CACNG4: variants seen among roughly 807,000 people sequenced by gnomAD.
The protein encoded by CACNG4 is calcium voltage-gated channel auxiliary subunit gamma 4.
A neutral mutation model predicts 22.9 loss-of-function variants in CACNG4; 8 were observed. The observed-to-expected ratio is 0.35, with a 90% CI of 0.21 to 0.63. The LOEUF is 0.63. CACNG4 is among the 30% of genes least tolerant of loss of function. The pLI, the probability that CACNG4 is intolerant of heterozygous loss-of-function variation, is 0.72. For missense variants in CACNG4, 357 were observed against 455.4 expected, an observed-to-expected ratio of 0.78 and a Z score of 1.97; for synonymous variants, 188 against 191.9, an observed-to-expected ratio of 0.98 and a Z score of 0.17.
intron 1 of CACNG4, among the ~76,000 whole-genome samples, chr17:66,987,174 T>C (rs1234807191): frequency 6.6e-6 from 1 of 152,194 alleles, no homozygotes; most frequent in Non-Finnish European, 1.5e-5. Flanking sequence ...TCAGAAAGAT[T>C]AGGTAACTTG....
intron 1 of CACNG4, among the ~76,000 whole-genome samples, chr17:67,003,239 C>T (rs2035419064): frequency 6.6e-6 from 1 of 151,744 alleles, no homozygotes; most frequent in Non-Finnish European, 1.5e-5. Flanking sequence ...ATTTGTGATC[C>T]CCATTTCACA....
chr17:66,975,349 A>G (rs1478233679), intron 1 of CACNG4, among the ~76,000 whole-genome samples: 5 of 152,160 alleles, frequency 3.3e-5, no homozygotes, highest in Admixed American at 2.6e-4. Flanking sequence ...CAGCAGCATC[A>G]GACGGTCAGC....
intron 1 of CACNG4, among the ~76,000 whole-genome samples, chr17:66,967,807 T>C (rs2035179244): frequency 6.6e-6 from 1 of 152,156 alleles, no homozygotes; most frequent in South Asian, 2.1e-4. Flanking sequence ...ACAGATTCAG[T>C]TGCATGTTCG....
At chr17:66,966,624 G>A (rs575035075) in intron 1 of CACNG4, among the ~76,000 whole-genome samples, 5 of 152,138 alleles carry the variant, frequency 3.3e-5, no homozygotes, top group Non-Finnish European at 7.3e-5. Context: ...TCCAGACCAT[G>A]CTTGTTCTCA....
At chr17:67,012,749 T>C (rs1257160674) in intron 1 of CACNG4, among the ~76,000 whole-genome samples, 3 of 152,136 alleles carry the variant, frequency 2.0e-5, no homozygotes, top group Admixed American at 2.0e-4. Context: ...TGCAGCTGAA[T>C]TGAGGTGTCA....
chr17:66,974,830 G>A (rs2035226290), intron 1 of CACNG4, among the ~76,000 whole-genome samples: 2 of 152,190 alleles, frequency 1.3e-5, no homozygotes, highest in South Asian at 4.1e-4. Flanking sequence ...TCTGGAGTTG[G>A]GCTTGAGTCA....
rs2035609733 is a variant in CACNG4, at chr17:67,031,893, C to T, written c.*889C>T. On this transcript the variant is annotated 3_prime_UTR_variant, in exon 4 of 4. Coordinates refer to ENST00000262138, the MANE Select transcript of CACNG4 (RefSeq NM_014405.4). This position sits in a 1 kb window ranked among gnomAD's most constrained non-coding sequence, Gnocchi z 4.0. ...TTGGGGGTCCCGGGGGAGAGGTGGA[C>T]AGACACCTCCCTCCAACTGGCATTT... is the stretch of plus-strand genomic sequence containing the variant. 4.4e-6 allele frequency: 2 copies of T among 456,542 alleles called. No individual in the cohort carries two copies. Among genetic ancestry groups the T allele is most frequent in the Non-Finnish European group, 8.8e-6 (2 of 226,986 alleles). The allele number at this position is 456,542 out of a possible 1,614,324, so 28.3% of individuals were successfully genotyped here.
chr17:67,026,987 G>A (rs2143374577), intron 3 of CACNG4, among the ~76,000 whole-genome samples: 1 of 152,092 alleles, frequency 6.6e-6, no homozygotes, highest in South Asian at 2.1e-4. Flanking sequence ...GGAGGTCCCG[G>A]CTGTGACCCC....
chr17:66,992,489 C>G (rs1027769118), intron 1 of CACNG4, among the ~76,000 whole-genome samples: 1 of 152,238 alleles, frequency 6.6e-6, no homozygotes, highest in African/African-American at 2.4e-5. Context: ...AAACCTGGCA[C>G]TACCCACCAG....
chr17:67,031,433 A>G lies in CACNG4; in HGVS notation c.*429A>G, dbSNP rs1248213246. 7 of 461,196 alleles carry G rather than the reference A, an allele frequency of 1.5e-5. No individual in the cohort carries two copies. The highest frequency in any genetic ancestry group is 3.2e-4 in the Middle Eastern group (1 of 3,112). 28.6% of individuals were successfully genotyped at this position (461,196 alleles called of 1,614,324 possible). A position where few individuals can be genotyped will look rare whatever the true frequency, so the allele number is the denominator to read the frequency against. Reference sequence around the variant, plus strand: ...CACCAGAAGGCTCTGCCGGACGCCAAGAAGACGGTCTCTGGGCTCTTGTCA... The same window carrying G: ...CACCAGAAGGCTCTGCCGGACGCCAGGAAGACGGTCTCTGGGCTCTTGTCA... On this transcript the variant is annotated 3_prime_UTR_variant, in exon 4 of 4. Coordinates refer to ENST00000262138, the MANE Select transcript of CACNG4 (RefSeq NM_014405.4). This position sits in a 1 kb window ranked among gnomAD's most constrained non-coding sequence, Gnocchi z 4.0.
At position 66,964,847 on chromosome 17, in the gene CACNG4, G is replaced by A. The variant is rs1270791811; in HGVS notation, c.-65G>A. Reference sequence around the variant, plus strand: ...CCCGGCGCCCCCGGAGCGGCGCGCGGAGGGAGGAGGGCGGGCGGGCGCGGC... The same window carrying A: ...CCCGGCGCCCCCGGAGCGGCGCGCGAAGGGAGGAGGGCGGGCGGGCGCGGC... On this transcript the variant is annotated 5_prime_UTR_variant, in exon 1 of 4. Coordinates refer to ENST00000262138, the MANE Select transcript of CACNG4 (RefSeq NM_014405.4). 2.8e-5 allele frequency: 28 copies of A among 1,011,252 alleles called. No individual in the cohort carries two copies. The highest frequency in any genetic ancestry group is 3.2e-5 in the Non-Finnish European group (26 of 816,742). 62.6% of individuals were successfully genotyped at this position (1,011,252 alleles called of 1,614,324 possible). A position where few individuals can be genotyped will look rare whatever the true frequency, so the allele number is the denominator to read the frequency against.
chr17:66,995,564 G>A (rs902811255), intron 1 of CACNG4, among the ~76,000 whole-genome samples: 1 of 152,094 alleles, frequency 6.6e-6, no homozygotes, highest in Non-Finnish European at 1.5e-5. Context: ...TTAAAAATGG[G>A]ATCTAGGCCG....
intron 1 of CACNG4, among the ~76,000 whole-genome samples, chr17:67,010,564 C>T (rs1472637342): frequency 6.6e-6 from 1 of 152,186 alleles, no homozygotes; most frequent in African/African-American, 2.4e-5. Flanking sequence ...GTGCCTGATA[C>T]ATCATAGGTG....
chr17:67,015,106 T>C (rs2035489459), intron 1 of CACNG4, among the ~76,000 whole-genome samples: 1 of 152,080 alleles, frequency 6.6e-6, no homozygotes, highest in African/African-American at 2.4e-5. Flanking sequence ...GCCTCGTTAG[T>C]AATAGCTGGA....
intron 2 of CACNG4, 52 bp from the exon 3 acceptor site, chr17:67,024,808 G>C (rs1482842973): frequency 6.9e-7 from 1 of 1,440,574 alleles, no homozygotes; most frequent in Non-Finnish European, 9.1e-7. Flanking sequence ...ATGCCCGGGA[G>C]GGCACCTGAT....
intron 2 of CACNG4, among the ~76,000 whole-genome samples, chr17:67,024,339 T>C (rs1242946516): frequency 2.0e-5 from 3 of 152,084 alleles, no homozygotes; most frequent in Non-Finnish European, 4.4e-5. Context: ...GAAGCTGAGT[T>C]TTGGAGAGGG....
At chr17:67,006,169 G>A (rs1224834723) in intron 1 of CACNG4, among the ~76,000 whole-genome samples, 2 of 152,204 alleles carry the variant, frequency 1.3e-5, no homozygotes, top group Non-Finnish European at 2.9e-5. Flanking sequence ...AGGGGCTGCC[G>A]TGTCGAGGCA....
intron 2 of CACNG4, 105 bp downstream of exon 2, chr17:67,018,377 T>G: frequency 3.7e-6 from 3 of 804,094 alleles, no homozygotes; most frequent in Non-Finnish European, 6.4e-6. Flanking sequence ...GTGATTGTCT[T>G]GGGATGGTCC....
chr17:66,999,579 A>T (rs2035395636), intron 1 of CACNG4, among the ~76,000 whole-genome samples: 1 of 152,192 alleles, frequency 6.6e-6, no homozygotes, highest in Non-Finnish European at 1.5e-5. Flanking sequence ...CAGCGAGCGA[A>T]GAGGGAACTT....
Sources: gnomAD v4.1 joint callset for allele counts (sites outside exome capture counted in the v4.1 genomes callset) on GRCh38, gnomAD v4.1.1 for gene constraint, Gnocchi (gnomAD v3.1) non-coding constraint, MANE v1.5 for transcripts, NCBI Gene and HGNC (gene_info 2026-07-23, HGNC 2026-07-21) for gene names.